COL28A1: variants seen among roughly 807,000 people sequenced by gnomAD.
COL28A1 encodes collagen alpha-1(XXVIII) chain.
A neutral mutation model predicts 150.2 loss-of-function variants in COL28A1; 161 were observed. The ratio of observed to expected loss-of-function variants is 1.07; its 90% CI spans 0.94 to 1.22. The LOEUF is 1.22. COL28A1 is among the 50% of genes most tolerant of loss of function. The pLI is 0.00. For missense variants in COL28A1, 1,617 were observed against 1,388.3 expected (o/e 1.16, Z -2.62); for synonymous variants, 552 against 469.7 (o/e 1.18, Z -2.26).
intron 13 of COL28A1, among the ~76,000 whole-genome samples, chr7:7,485,577 A>G (rs77321491): frequency 0.1 from 15,329 of 152,172 alleles, 927 homozygotes; most frequent in Middle Eastern, 0.21. Flanking sequence ...TTTTATTCTA[A>G]AAGTTTTATA....
At chr7:7,505,199 C>T (rs533828326) in intron 11 of COL28A1, among the ~76,000 whole-genome samples, 182 of 152,286 alleles carry the variant, frequency 1.2e-3, no homozygotes, top group Admixed American at 3.1e-3. Flanking sequence ...CAACTGCTCC[C>T]TACAACTTCA....
intron 27 of COL28A1, among the ~76,000 whole-genome samples, chr7:7,387,236 T>C (rs1004033584): frequency 6.6e-6 from 1 of 152,160 alleles, no homozygotes; most frequent in African/African-American, 2.4e-5. Flanking sequence ...CCCTACTATT[T>C]GTGGAGGGTC....
intron 18 of COL28A1, among the ~76,000 whole-genome samples, chr7:7,449,469 A>G (rs1334533997): frequency 1.3e-5 from 2 of 151,966 alleles, no homozygotes; most frequent in African/African-American, 4.8e-5. Flanking sequence ...GTGAAATTTT[A>G]GAAGCACTTC....
At chr7:7,443,774 C>T (rs1786002875) in intron 19 of COL28A1, 121 bp from the exon 20 acceptor site, 1 of 1,351,796 alleles carries the variant, frequency 7.4e-7, no homozygotes, top group African/African-American at 1.5e-5. Context: ...ACACACCATA[C>T]CTTCACTCTA....
intron 27 of COL28A1, among the ~76,000 whole-genome samples, chr7:7,386,482 C>G (rs1190764403): frequency 6.6e-6 from 1 of 152,210 alleles, no homozygotes; most frequent in African/African-American, 2.4e-5. Flanking sequence ...CCCGCCAATT[C>G]AGCATCTAAG....
chr7:7,439,540 G>T (rs1785600930), intron 21 of COL28A1, among the ~76,000 whole-genome samples: 1 of 152,102 alleles, frequency 6.6e-6, no homozygotes, highest in Admixed American at 6.5e-5. Context: ...TAAAATACAG[G>T]TCTCAAATAC....
intron 11 of COL28A1, among the ~76,000 whole-genome samples, chr7:7,505,346 G>A (rs1434741382): frequency 3.3e-5 from 5 of 152,060 alleles, no homozygotes; most frequent in Admixed American, 1.3e-4. Context: ...TACTATATCC[G>A]TGAAATTTAC....
At chr7:7,527,520 A>G (rs1377113155) in intron 3 of COL28A1, among the ~76,000 whole-genome samples, 1 of 152,338 alleles carries the variant, frequency 6.6e-6, no homozygotes, top group African/African-American at 2.4e-5. Context: ...AAGGGCCCAC[A>G]TGGACAGAGC....
At chr7:7,512,917 A>T (rs1781225912) in intron 8 of COL28A1, among the ~76,000 whole-genome samples, 1 of 152,240 alleles carries the variant, frequency 6.6e-6, no homozygotes, top group Non-Finnish European at 1.5e-5. Context: ...ACACAATGAC[A>T]AGGAAATTAC....
Position 7,492,976 on chromosome 7 carries a change from T to TA in COL28A1, c.1027-2331_1027-2330insT, listed in dbSNP as rs1279700381. Among the ~76,000 whole-genome samples, 3 of 148,426 alleles carry TA rather than the reference T, an allele frequency of 2.0e-5. No homozygotes were observed. In the Middle Eastern group the frequency reaches 0.011, roughly 530 times the overall value. The stretch of plus-strand genomic sequence containing the variant: ...TATATGTTACATAATATATGTAACA[T>TA]TATATATACCTGTTATATAATATAT... On this transcript the variant is annotated intron_variant, in intron 11 of 34. Transcript: ENST00000399429.
chr7:7,445,779 A>C (rs1351897861), intron 18 of COL28A1, among the ~76,000 whole-genome samples: 2 of 152,182 alleles, frequency 1.3e-5, no homozygotes, highest in African/African-American at 4.8e-5. Flanking sequence ...TAAATCTAAC[A>C]CTAAGTAGAT....
intron 26 of COL28A1, among the ~76,000 whole-genome samples, chr7:7,419,614 C>T (rs575532529): frequency 1.3e-5 from 2 of 152,294 alleles, no homozygotes; most frequent in South Asian, 4.1e-4. Context: ...GATGACGGCA[C>T]AGCCTCTAAG....
intron 4 of COL28A1, among the ~76,000 whole-genome samples, chr7:7,522,887 T>C (rs924888513): frequency 1.1e-4 from 16 of 147,986 alleles, no homozygotes; most frequent in African/African-American, 3.5e-4. Context: ...AAATTTGTGT[T>C]GGTCCGCATT....
At chr7:7,445,475 T>C (rs1786181362) in intron 18 of COL28A1, among the ~76,000 whole-genome samples, 1 of 152,198 alleles carries the variant, frequency 6.6e-6, no homozygotes. Flanking sequence ...AAATTTCTGT[T>C]GTATTAAGGC....
chr7:7,387,138 T>A, intron 27 of COL28A1, among the ~76,000 whole-genome samples: 1 of 152,058 alleles, frequency 6.6e-6, no homozygotes, highest in East Asian at 1.9e-4. Flanking sequence ...GGGGACCATA[T>A]GAATTTTCAG....
chr7:7,540,827 AC>A (rs1782771392), upstream of COL28A1, among the ~76,000 whole-genome samples: 1 of 152,080 alleles, frequency 6.6e-6, no homozygotes, highest in Non-Finnish European at 1.5e-5. Context: ...ACCTCTTCGA[AC>A]CCTGGGTTGA....
At chr7:7,374,457 G>A (rs1781438428) in intron 31 of COL28A1, among the ~76,000 whole-genome samples, 1 of 152,114 alleles carries the variant, frequency 6.6e-6, no homozygotes, top group Admixed American at 6.5e-5. Context: ...AACTATGGCA[G>A]CTTTCACGTT....
chr7:7,535,664 T>C (rs563193834), intron 1 of COL28A1, 86 bp downstream of exon 1: 3 of 152,284 alleles, frequency 2.0e-5, no homozygotes, highest in Non-Finnish European at 4.4e-5. Flanking sequence ...ACCTAATAAT[T>C]ATGTAAGTAA....
intron 1 of COL28A1, 94 bp from the exon 2 acceptor site, chr7:7,533,006 A>C (rs1782456246): frequency 3.2e-6 from 4 of 1,266,710 alleles, no homozygotes; most frequent in East Asian, 5.5e-5. Flanking sequence ...CTGGCATGTG[A>C]CTGGAAAAAA....
Sources: gnomAD v4.1 joint callset for allele counts (sites outside exome capture counted in the v4.1 genomes callset) on GRCh38, gnomAD v4.1.1 for gene constraint, MANE v1.5 for transcripts, NCBI Gene and HGNC (gene_info 2026-07-23, HGNC 2026-07-21) for gene names.